Variants in MYL12A observed in about 807,000 individuals in gnomAD.
The protein encoded by MYL12A is myosin light chain 12A.
A neutral mutation model predicts 13.3 loss-of-function variants in MYL12A; 11 were observed. That is an observed-to-expected ratio of 0.83 (90% CI 0.52 to 1.37). MYL12A has a LOEUF of 1.37. Among genes scored for constraint, MYL12A ranks in the 40% most tolerant of loss-of-function variants. The pLI is 0.00. For missense variants in MYL12A, 146 were observed against 212.3 expected, an observed-to-expected ratio of 0.69 and a Z score of 1.94; for synonymous variants, 51 against 69.9, an observed-to-expected ratio of 0.73 and a Z score of 1.35.
chr18:3,252,637 A>C (rs752893754), intron 1 of MYL12A, among the ~76,000 whole-genome samples: 1 of 152,194 alleles, frequency 6.6e-6, no homozygotes, highest in Admixed American at 6.5e-5. Flanking sequence ...GATAGAGTGC[A>C]ATGTCTATAA....
At chr18:3,253,636 G>T in intron 2 of MYL12A, 1 of 667,428 alleles carries the variant, frequency 1.5e-6, no homozygotes, top group Non-Finnish European at 2.5e-6. Flanking sequence ...GTGTGTGTGT[G>T]TATAAAAACA....
chr18:3,253,154 T>C (rs1222824410), intron 1 of MYL12A, 79 bp from the exon 2 acceptor site: 10 of 1,458,892 alleles, frequency 6.9e-6, no homozygotes, highest in Admixed American at 4.3e-5. Flanking sequence ...TGTGTACTTT[T>C]GTTAATCATT....
At chr18:3,251,177 A>G (rs1162394491) in intron 1 of MYL12A, among the ~76,000 whole-genome samples, 3 of 151,924 alleles carry the variant, frequency 2.0e-5, no homozygotes, top group Non-Finnish European at 4.4e-5. Context: ...TTAAAAATCT[A>G]TTTTATAATA....
intron 3 of MYL12A, chr18:3,255,424 G>A (rs1039677650): frequency 5.1e-6 from 1 of 195,742 alleles, no homozygotes; most frequent in Non-Finnish European, 1.0e-5. Flanking sequence ...TGAAGGAACC[G>A]TAAGGCTTAG....
chr18:3,252,492 C>G (rs1422346196), intron 1 of MYL12A: 1 of 1,255,990 alleles, frequency 8.0e-7, no homozygotes, highest in Non-Finnish European at 1.0e-6. Flanking sequence ...GGTAAGAGAG[C>G]AAAGGTAGTT....
chr18:3,255,618 C>G (rs1180625947), intron 3 of MYL12A, 128 bp from the exon 4 acceptor site: 3 of 1,203,174 alleles, frequency 2.5e-6, no homozygotes, highest in Non-Finnish European at 3.4e-6. Context: ...AGGTGGACAC[C>G]CTGTAGTTCA....
At chr18:3,254,306 G>T (rs1338547119) in intron 3 of MYL12A, among the ~76,000 whole-genome samples, 2 of 152,072 alleles carry the variant, frequency 1.3e-5, no homozygotes, top group Non-Finnish European at 2.9e-5. Flanking sequence ...CTCCACAAGG[G>T]TTAGGCTCTC....
intron 3 of MYL12A, among the ~76,000 whole-genome samples, chr18:3,254,536 T>C (rs575049559): frequency 2.0e-5 from 3 of 152,344 alleles, no homozygotes; most frequent in Non-Finnish European, 2.9e-5. Flanking sequence ...TTCCACATAA[T>C]AGCTGTATAA....
chr18:3,253,152 T>C, intron 1 of MYL12A, 81 bp from the exon 2 acceptor site: 1 of 1,457,184 alleles, frequency 6.9e-7, no homozygotes, highest in Non-Finnish European at 9.3e-7. Flanking sequence ...TCTGTGTACT[T>C]TTGTTAATCA....
chr18:3,250,616 A>G (rs1000691116), intron 1 of MYL12A, among the ~76,000 whole-genome samples: 5 of 152,242 alleles, frequency 3.3e-5, no homozygotes, highest in Non-Finnish European at 7.3e-5. Context: ...AGGCCTAGGT[A>G]GTAACTTCCT....
chr18:3,255,419 G>C (rs1038002621), intron 3 of MYL12A: 1 of 190,524 alleles, frequency 5.2e-6, no homozygotes, highest in African/African-American at 2.3e-5. Context: ...CCACTTGAAG[G>C]AACCGTAAGG....
intron 1 of MYL12A, chr18:3,249,255 T>A (rs2081460557): frequency 6.6e-6 from 1 of 152,228 alleles, no homozygotes; most frequent in Non-Finnish European, 1.5e-5. Flanking sequence ...ACTTCTTGTG[T>A]CCTTTGGTGT....
intron 2 of MYL12A, 163 bp downstream of exon 2, chr18:3,253,591 G>A: frequency 2.2e-6 from 2 of 917,580 alleles, no homozygotes; most frequent in Non-Finnish European, 3.2e-6. Flanking sequence ...GCAGATTCGT[G>A]ACCCTGTCTT....
In MYL12A at chr18:3,247,828, A is replaced by C. The variant is rs2081443866; in HGVS notation, c.-97A>C. On this transcript the variant is annotated 5_prime_UTR_variant, in exon 1 of 4. Coordinates refer to ENST00000217652, the MANE Select transcript of MYL12A (RefSeq NM_006471.4). Reference sequence around the variant, plus strand: ...GCAGAGGCCGGAAGCGGTGGTTTTTAGCGGCTCTCTGGGTAGCAGGGTGGT... The same window carrying C: ...GCAGAGGCCGGAAGCGGTGGTTTTTCGCGGCTCTCTGGGTAGCAGGGTGGT... The C allele has an allele frequency of 6.6e-6, 1 of 152,092 alleles. No homozygotes were observed. The highest frequency in any genetic ancestry group is 6.5e-5 in the Admixed American group (1 of 15,272). The allele number at this position is 152,092 out of a possible 1,614,324, so 9.4% of individuals were successfully genotyped here. A position where few individuals can be genotyped will look rare whatever the true frequency, so the allele number is the denominator to read the frequency against.
intron 1 of MYL12A, among the ~76,000 whole-genome samples, chr18:3,251,692 G>A (rs1262885842): frequency 6.6e-6 from 1 of 152,068 alleles, no homozygotes; most frequent in Non-Finnish European, 1.5e-5. Context: ...TACCCCCAAA[G>A]GTGTTATAGA....
upstream of MYL12A, chr18:3,247,678 C>T (rs1598793752): frequency 6.6e-6 from 1 of 152,330 alleles, no homozygotes; most frequent in South Asian, 2.1e-4. Flanking sequence ...ACTTCCTTCT[C>T]ATGCACTTGG....
At chr18:3,250,352 G>A (rs1029969277) in intron 1 of MYL12A, among the ~76,000 whole-genome samples, 3 of 150,698 alleles carry the variant, frequency 2.0e-5, no homozygotes, top group African/African-American at 7.3e-5. Context: ...AAAGTAAAAT[G>A]AACAACAAAC....
Position 3,253,806 on chromosome 18 carries a change from T to C in MYL12A, c.182-83T>C, listed in dbSNP as rs549090232. The C allele has an allele frequency of 1.5e-4, 207 of 1,408,450 alleles. No homozygotes were observed. In the African/African-American group the frequency reaches 2.7e-3, roughly 18 times the overall value. The allele number at this position is 1,408,450 out of a possible 1,614,324, so 87.2% of individuals were successfully genotyped here. ...ACAGTAAACTGTATGAATGATAATC[T>C]TTGTTACCAAAATGTTTACTGTCAT... On this transcript the variant is annotated intron_variant, in intron 2 of 3. Coordinates refer to ENST00000217652, the MANE Select transcript of MYL12A (RefSeq NM_006471.4).
intron 1 of MYL12A, among the ~76,000 whole-genome samples, chr18:3,250,256 T>C (rs1209804628): frequency 2.0e-5 from 3 of 152,238 alleles, no homozygotes; most frequent in Non-Finnish European, 2.9e-5. Flanking sequence ...TTAAGGGGTA[T>C]ACCCTAGTTT....
Sources: allele counts gnomAD v4.1 joint callset (sites outside exome capture counted in the v4.1 genomes callset), GRCh38; gene constraint gnomAD v4.1.1; transcripts MANE v1.5; gene names NCBI Gene and HGNC (gene_info 2026-07-23, HGNC 2026-07-21).